Variants in FBXL17 observed in about 807,000 individuals in gnomAD.
FBXL17 encodes the protein F-box and leucine rich repeat protein 17, also known as F-box/LRR-repeat protein 17.
A neutral mutation model predicts 66.2 loss-of-function variants in FBXL17; 22 were observed. The observed-to-expected ratio is 0.33, with a 90% CI of 0.24 to 0.47. The LOEUF is 0.47. Among genes scored for constraint, FBXL17 ranks in the 20% least tolerant of loss-of-function variants. FBXL17 has a pLI of 1.00. For missense variants in FBXL17, 878 were observed against 948.2 expected (o/e 0.93, Z 0.97); for synonymous variants, 474 against 400.5 (o/e 1.18, Z -2.19).
At chr5:108,350,986 A>G (rs1012255263) in intron 3 of FBXL17, among the ~76,000 whole-genome samples, 3 of 152,212 alleles carry the variant, frequency 2.0e-5, no homozygotes, top group Admixed American at 2.0e-4. Flanking sequence ...ACACTTGTAT[A>G]TGAGAAGTCC....
chr5:108,329,788 C>G (rs993678765), intron 4 of FBXL17, among the ~76,000 whole-genome samples: 6 of 152,016 alleles, frequency 3.9e-5, no homozygotes, highest in Admixed American at 2.0e-4. Context: ...TAAGTGACAT[C>G]CCTTTCAAAT....
chr5:108,282,928 T>C (rs549845376), intron 4 of FBXL17, among the ~76,000 whole-genome samples: 145 of 147,926 alleles, frequency 9.8e-4, no homozygotes, highest in African/African-American at 3.5e-3. Flanking sequence ...AAAAAAAACC[T>C]AGGAACATTT....
chr5:108,233,024 C>A (rs1755437200), intron 4 of FBXL17, among the ~76,000 whole-genome samples: 2 of 151,594 alleles, frequency 1.3e-5, no homozygotes, highest in Middle Eastern at 6.8e-3. Flanking sequence ...ATTTTCATTT[C>A]TCTTGAGTAA....
rs193134762 is a variant in FBXL17 at position 107,888,524 on chromosome 5, T to G, written c.1823-7345A>C. ...GTCTTTCATCCCCACTTCAGTCACT[T>G]CTATTCTCCCAACAAGGATAATCAT... On this transcript the variant is annotated intron_variant, in intron 7 of 8. Transcript: ENST00000542267. Among the ~76,000 whole-genome samples, 4 of 152,302 alleles carry G rather than the reference T, an allele frequency of 2.6e-5. No individual in the cohort carries two copies. The East Asian group carries it at 7.7e-4, about 29-fold the overall frequency.
intron 4 of FBXL17, among the ~76,000 whole-genome samples, chr5:108,279,306 C>T (rs191447908): frequency 2.0e-4 from 30 of 152,216 alleles, no homozygotes; most frequent in African/African-American, 7.2e-4. Context: ...AAAAGGCATG[C>T]TTAGTCCACC....
intron 5 of FBXL17, among the ~76,000 whole-genome samples, chr5:108,214,718 T>C (rs908505172): frequency 5.9e-5 from 9 of 152,142 alleles, no homozygotes; most frequent in South Asian, 2.1e-4. Context: ...TTAGAAATCT[T>C]TGTCTAACCC....
At chr5:107,968,514 T>A (rs530355879) in intron 7 of FBXL17, among the ~76,000 whole-genome samples, 1 of 152,092 alleles carries the variant, frequency 6.6e-6, no homozygotes, top group Non-Finnish European at 1.5e-5. Flanking sequence ...TTCATAAATA[T>A]GGAAAACATG....
intron 4 of FBXL17, among the ~76,000 whole-genome samples, chr5:108,268,628 GA>G (rs150303049): frequency 2.7e-5 from 4 of 148,276 alleles, no homozygotes; most frequent in East Asian, 2.0e-4. Context: ...AATTCAAACT[GA>G]AAAAAAAATG....
At chr5:107,934,598 T>A (rs1750837874) in intron 7 of FBXL17, among the ~76,000 whole-genome samples, 1 of 152,160 alleles carries the variant, frequency 6.6e-6, no homozygotes, top group Non-Finnish European at 1.5e-5. Flanking sequence ...CTTAATTTCA[T>A]TTTCTTCTCG....
chr5:107,911,394 A>G (rs1749944605), intron 7 of FBXL17, among the ~76,000 whole-genome samples: 3 of 152,294 alleles, frequency 2.0e-5, no homozygotes, highest in South Asian at 2.1e-4. Context: ...TAAACCTTAA[A>G]AGAAAACTGA....
chr5:107,950,867 G>A (rs767796407), intron 7 of FBXL17, among the ~76,000 whole-genome samples: 1 of 152,166 alleles, frequency 6.6e-6, no homozygotes, highest in Admixed American at 6.5e-5. Context: ...CCATGAGCAC[G>A]AACTAATAAC....
At chr5:107,967,568 T>C (rs1358277473) in intron 7 of FBXL17, among the ~76,000 whole-genome samples, 6 of 148,646 alleles carry the variant, frequency 4.0e-5, no homozygotes, top group Admixed American at 4.0e-4. Flanking sequence ...CATTAGGAGA[T>C]ATACCTAATG....
intron 6 of FBXL17, among the ~76,000 whole-genome samples, chr5:108,076,023 G>A (rs1748530908): frequency 6.6e-6 from 1 of 152,200 alleles, no homozygotes; most frequent in Admixed American, 6.5e-5. Flanking sequence ...AATAAAGGTA[G>A]TTTTAAAAGT....
intron 7 of FBXL17, among the ~76,000 whole-genome samples, chr5:107,897,542 G>C (rs1749424252): frequency 6.6e-6 from 1 of 152,054 alleles, no homozygotes; most frequent in African/African-American, 2.4e-5. Flanking sequence ...AAGTTCTTTT[G>C]ATATTGGACA....
chr5:107,962,880 A>C (rs1272080058), intron 7 of FBXL17, among the ~76,000 whole-genome samples: 1 of 152,112 alleles, frequency 6.6e-6, no homozygotes, highest in African/African-American at 2.4e-5. Flanking sequence ...CAAAAGTATA[A>C]GGTTTGATAG....
intron 1 of FBXL17, among the ~76,000 whole-genome samples, chr5:108,369,233 G>A (rs1157051130): frequency 6.6e-6 from 1 of 152,162 alleles, no homozygotes; most frequent in East Asian, 1.9e-4. Context: ...TTCAGTGAAA[G>A]GCTGATAAAA....
At chr5:108,201,208 G>A (rs6868949) in intron 5 of FBXL17, among the ~76,000 whole-genome samples, 7 of 152,194 alleles carry the variant, frequency 4.6e-5, no homozygotes, top group African/African-American at 1.7e-4. Context: ...GAACACTTTC[G>A]TTCATCAGTA....
In FBXL17 at chr5:108,211,823, A is replaced by G. The variant is rs373915882; in HGVS notation, c.1614+12298T>C. The stretch of plus-strand genomic sequence containing the variant: ...ATGTGTCTTGGGGTTGCCCTTCTCG[A>G]GGAGTATCTTTGTGGTGTTCTCTGT... On this transcript the variant is annotated intron_variant, in intron 5 of 8. Transcript: ENST00000542267. 7.9e-5 allele frequency among the ~76,000 whole-genome samples: 12 copies of G among 152,006 alleles called. No homozygotes were observed. In the East Asian group the frequency reaches 1.4e-3, roughly 17 times the overall value.
At chr5:108,295,266 CAT>C (rs1037061846) in intron 4 of FBXL17, among the ~76,000 whole-genome samples, 4 of 151,778 alleles carry the variant, frequency 2.6e-5, no homozygotes, top group African/African-American at 9.6e-5. Flanking sequence ...CTCCCAAATT[CAT>C]ATACTTTTCC....
Sources: gnomAD v4.1 joint callset for allele counts (sites outside exome capture counted in the v4.1 genomes callset) on GRCh38, gnomAD v4.1.1 for gene constraint, MANE v1.5 for transcripts, NCBI Gene and HGNC (gene_info 2026-07-23, HGNC 2026-07-21) for gene names.